The following SYN3 variants were observed in gnomAD, a reference collection of about 807,000 sequenced individuals.
The protein encoded by SYN3 is synapsin III.
A neutral mutation model predicts 65.8 loss-of-function variants in SYN3; 35 were observed. The observed-to-expected ratio is 0.53, with a 90% CI of 0.41 to 0.70. The LOEUF (loss-of-function observed/expected upper bound fraction) is 0.70. SYN3 is among the 30% of genes least tolerant of loss of function. The pLI, the probability that SYN3 is intolerant of heterozygous loss-of-function variation, is 0.00. For synonymous variants in SYN3, 270 were observed against 292.9 expected, an observed-to-expected ratio of 0.92 and a Z score of 0.80; for missense variants, 680 against 749.0, an observed-to-expected ratio of 0.91 and a Z score of 1.08.
At chr22:32,891,365 C>G (rs543685987) in intron 4 of SYN3, among the ~76,000 whole-genome samples, 2 of 152,198 alleles carry the variant, frequency 1.3e-5, no homozygotes, top group East Asian at 3.9e-4. Context: ...TGTGCTGAGC[C>G]CTGATGGATT....
chr22:32,663,056 T>G (rs1052235483), intron 6 of SYN3, among the ~76,000 whole-genome samples: 4 of 152,204 alleles, frequency 2.6e-5, no homozygotes, highest in African/African-American at 9.6e-5. Context: ...TTTTAGTCCT[T>G]ACTTACTCAA....
At position 32,988,307 on chromosome 22, in the gene SYN3, A is replaced by AAATAATGATAAT. The variant is rs71320962; in HGVS notation, c.312-7606_312-7605insATTATCATTATT. Among the ~76,000 whole-genome samples, 101 of 142,608 alleles carry AAATAATGATAAT rather than the reference A, an allele frequency of 7.1e-4. 1 individual carries two copies. In the South Asian group the frequency reaches 0.01, roughly 15 times the overall value. 93.6% of individuals were successfully genotyped at this position (142,608 alleles called of 152,430 possible). Reference sequence around the variant, plus strand: ...GGCAACAGAGCAAGACTCTGTCTCAAAATAATAATAATAATAATAATAATA... The same window carrying AAATAATGATAAT: ...GGCAACAGAGCAAGACTCTGTCTCAAAATAATGATAATAATAATAATAATAATAATAATAATA... On this transcript the variant is annotated intron_variant, in intron 2 of 13. Coordinates refer to ENST00000358763, the MANE Select transcript of SYN3 (RefSeq NM_003490.4).
intron 4 of SYN3, among the ~76,000 whole-genome samples, chr22:32,923,717 G>T (rs1022962064): frequency 1.4e-4 from 22 of 152,080 alleles, no homozygotes; most frequent in African/African-American, 4.6e-4. Context: ...TTAGGTTCAG[G>T]GTTACATGTG....
At chr22:32,742,034 G>A (rs1020723624) in intron 6 of SYN3, among the ~76,000 whole-genome samples, 4 of 151,682 alleles carry the variant, frequency 2.6e-5, no homozygotes, top group Admixed American at 2.6e-4. Flanking sequence ...AGCACTTTGG[G>A]AGCCCGAGGC....
At chr22:32,992,203 C>T (rs1569386612) in intron 2 of SYN3, among the ~76,000 whole-genome samples, 1 of 152,218 alleles carries the variant, frequency 6.6e-6, no homozygotes, top group Non-Finnish European at 1.5e-5. Flanking sequence ...AGAGAGAAAA[C>T]AAAAGACTTC....
chr22:32,822,229 G>A (rs2047270239), intron 6 of SYN3, among the ~76,000 whole-genome samples: 1 of 151,946 alleles, frequency 6.6e-6, no homozygotes, highest in Non-Finnish European at 1.5e-5. Flanking sequence ...TCCGAGGCTG[G>A]CTCCTGTGCC....
intron 6 of SYN3, among the ~76,000 whole-genome samples, chr22:32,630,556 C>T (rs368817517): frequency 3.3e-5 from 5 of 152,310 alleles, no homozygotes; most frequent in East Asian, 3.9e-4. Flanking sequence ...ATTTGTATCT[C>T]GGCTCTGCCT....
chr22:32,666,451 C>A (rs2060291313), intron 6 of SYN3, among the ~76,000 whole-genome samples: 2 of 152,202 alleles, frequency 1.3e-5, no homozygotes, highest in South Asian at 4.1e-4. Flanking sequence ...GGCCATGTGG[C>A]CACCTTGCTC....
chr22:32,977,362 T>C (rs189658023), intron 3 of SYN3, among the ~76,000 whole-genome samples: 2 of 152,274 alleles, frequency 1.3e-5, no homozygotes, highest in East Asian at 1.9e-4. Context: ...AACATGCCCC[T>C]GGGATTTCCA....
At chr22:32,665,666 C>A (rs2060280352) in intron 6 of SYN3, among the ~76,000 whole-genome samples, 1 of 152,070 alleles carries the variant, frequency 6.6e-6, no homozygotes, top group Admixed American at 6.5e-5. Flanking sequence ...TAGGACCCAA[C>A]CTCCTACCTT....
chr22:32,706,090 A>G (rs1038160168), intron 6 of SYN3, among the ~76,000 whole-genome samples: 3 of 152,118 alleles, frequency 2.0e-5, no homozygotes, highest in Non-Finnish European at 2.9e-5. Flanking sequence ...AAGACTTCCA[A>G]TACTATGTTA....
At chr22:32,859,452 A>G in intron 6 of SYN3, 1 of 1,518,278 alleles carries the variant, frequency 6.6e-7, no homozygotes, top group Non-Finnish European at 8.8e-7. Flanking sequence ...TTCCCAGATG[A>G]TGACAATGAA....
At chr22:32,779,820 CCA>C (rs1569217875) in intron 6 of SYN3, among the ~76,000 whole-genome samples, 9 of 152,210 alleles carry the variant, frequency 5.9e-5, no homozygotes. Flanking sequence ...CGCTTTAGTA[CCA>C]TCAAGGGTCC....
intron 6 of SYN3, among the ~76,000 whole-genome samples, chr22:32,636,813 C>T (rs1400189379): frequency 6.6e-6 from 1 of 152,204 alleles, no homozygotes; most frequent in African/African-American, 2.4e-5. Context: ...CTGCAATAGT[C>T]GCTCAACTCT....
chr22:32,790,062 G>A (rs1402687262), intron 6 of SYN3, among the ~76,000 whole-genome samples: 1 of 152,234 alleles, frequency 6.6e-6, no homozygotes, highest in Non-Finnish European at 1.5e-5. Context: ...GGAGGCACAA[G>A]AATGTTAAGT....
rs1333614035 is a variant in SYN3, at chr22:32,633,173, CTCATAG to C, written c.712-36443_712-36438del. ...GTCATGTACGGCACTTAGCACCAGA[CTCATAG>C]TCATAACTAAATCATCAGTTATTAT... On this transcript the variant is annotated intron_variant, in intron 6 of 13. Transcript: ENST00000358763. Among the ~76,000 whole-genome samples the C allele has an allele frequency of 2.0e-5, 3 of 152,326 alleles. No homozygotes were observed. The East Asian group carries it at 5.8e-4, about 29-fold the overall frequency.
intron 7 of SYN3, among the ~76,000 whole-genome samples, chr22:32,559,450 G>A (rs2058551703): frequency 6.6e-6 from 1 of 152,216 alleles, no homozygotes; most frequent in Non-Finnish European, 1.5e-5. Flanking sequence ...CGACTTTCAG[G>A]TGATGGTCAG....
At chr22:32,624,661 G>A (rs1330195566) in intron 6 of SYN3, among the ~76,000 whole-genome samples, 1 of 152,168 alleles carries the variant, frequency 6.6e-6, no homozygotes, top group African/African-American at 2.4e-5. Context: ...ACTTGGGCTG[G>A]GCCTTTGGTC....
chr22:32,915,080 C>T (rs1293396633), intron 4 of SYN3, among the ~76,000 whole-genome samples: 1 of 152,086 alleles, frequency 6.6e-6, no homozygotes, highest in Non-Finnish European at 1.5e-5. Context: ...AATGAGAACA[C>T]ATGGACACAG....
Sources: gnomAD v4.1 joint callset for allele counts (sites outside exome capture counted in the v4.1 genomes callset) on GRCh38, gnomAD v4.1.1 for gene constraint, MANE v1.5 for transcripts, NCBI Gene and HGNC (gene_info 2026-07-23, HGNC 2026-07-21) for gene names.